TANK: variants seen among roughly 807,000 people sequenced by gnomAD.
TANK encodes TRAF family member-associated NF-kappa-B activator.
TANK carries 15 observed loss-of-function variants against 43.6 expected under a neutral mutation model. The ratio of observed to expected loss-of-function variants is 0.34; its 90% CI spans 0.23 to 0.53. The LOEUF (loss-of-function observed/expected upper bound fraction) is 0.53, where lower values mean the gene tolerates loss of function less well. TANK is among the 20% of genes least tolerant of loss of function. TANK has a pLI of 0.94. For missense variants in TANK, 417 were observed against 498.6 expected (o/e 0.84, Z 1.56); for synonymous variants, 162 against 178.2 (o/e 0.91, Z 0.73).
At chr2:161,170,161 A>T (rs533636129) in intron 1 of TANK, among the ~76,000 whole-genome samples, 2 of 152,312 alleles carry the variant, frequency 1.3e-5, no homozygotes, top group African/African-American at 4.8e-5. Context: ...AATTAAGATG[A>T]TTAGAGTATT....
chr2:161,212,669 A>G (rs1272912966), intron 4 of TANK: 1 of 985,306 alleles, frequency 1.0e-6, no homozygotes. Flanking sequence ...TATTTCCCCT[A>G]TCATCCCTTT....
upstream of TANK, among the ~76,000 whole-genome samples, chr2:161,158,616 A>C (rs1684286007): frequency 6.6e-6 from 1 of 152,218 alleles, no homozygotes; most frequent in East Asian, 1.9e-4. Flanking sequence ...TCAGCTTTAG[A>C]CTCTGAGTAT....
intron 2 of TANK, among the ~76,000 whole-genome samples, chr2:161,183,046 C>G (rs1274515424): frequency 1.3e-5 from 2 of 152,118 alleles, no homozygotes; most frequent in Non-Finnish European, 2.9e-5. Flanking sequence ...GGACAAAAAC[C>G]TAATCATAAT....
At chr2:161,171,823 A>G (rs1029312546) in intron 1 of TANK, among the ~76,000 whole-genome samples, 3 of 152,138 alleles carry the variant, frequency 2.0e-5, no homozygotes, top group Non-Finnish European at 4.4e-5. Flanking sequence ...CAACTTTACC[A>G]TTTATGAATC....
At chr2:161,172,401 G>C (rs1573980576) in intron 1 of TANK, among the ~76,000 whole-genome samples, 1 of 112,408 alleles carries the variant, frequency 8.9e-6, no homozygotes, top group South Asian at 3.0e-4. Flanking sequence ...TGGCCTAATT[G>C]GCCATCCAAG....
chr2:161,229,209 A>G (rs1687784532), intron 6 of TANK, among the ~76,000 whole-genome samples: 3 of 152,236 alleles, frequency 2.0e-5, no homozygotes, highest in Admixed American at 1.3e-4. Flanking sequence ...GTGCAAAGAC[A>G]AGAGAGTGTA....
At position 161,231,348 on chromosome 2, in the gene TANK, A is replaced by C; in HGVS notation, c.898A>C (p.Ile300Leu). The change falls in exon 7 of 8, where the codon ATA (isoleucine) becomes CTA (leucine). Residue 300 changes from isoleucine (I) to leucine (L), a missense_variant. Ile to Leu is a conservative substitution (Grantham distance 5). Transcript: ENST00000392749. Reference sequence around the variant, plus strand: ...GGGAATTGACCCCATAGCTTCAGCTATACAAAACCTTAAAACAACTGACAA... The same window carrying C: ...GGGAATTGACCCCATAGCTTCAGCTCTACAAAACCTTAAAACAACTGACAA... Reference protein sequence around the residue: ...IQGIDPIASAIQNLKTTDKTK... With the variant: ...IQGIDPIASALQNLKTTDKTK... 6.2e-7 allele frequency: 1 copy of C among 1,614,232 alleles called. No individual in the cohort carries two copies. The highest frequency in any genetic ancestry group is 1.6e-4 in the Middle Eastern group (1 of 6,062).
chr2:161,231,474 T>C lies in TANK; in HGVS notation c.1024T>C (p.Phe342Leu). The change falls in exon 7 of 8, where the codon TTC becomes CTC. Residue 342 changes from phenylalanine (F) to leucine (L), a missense_variant. Physicochemically the swap from Phe to Leu is conservative, Grantham distance 22 (BLOSUM62 0). Transcript: ENST00000392749. ...CCATAATGCATTATATGTAAATAGC[T>C]TCCCACTTCTGGACCCATCTGATGC... is the stretch of plus-strand genomic sequence containing the variant. ...GDHNALYVNSFPLLDPSDAPF... is the reference protein window; with the variant it reads ...GDHNALYVNSLPLLDPSDAPF... 1 of 1,614,012 alleles carries C rather than the reference T, an allele frequency of 6.2e-7. No individual in the cohort carries two copies. Among genetic ancestry groups the C allele is most frequent in the Non-Finnish European group, 8.5e-7 (1 of 1,180,014 alleles).
intron 2 of TANK, among the ~76,000 whole-genome samples, chr2:161,185,769 G>A (rs1260920062): frequency 2.7e-5 from 4 of 150,698 alleles, no homozygotes; most frequent in Admixed American, 6.6e-5. Flanking sequence ...GCCAGATGAC[G>A]AGTTAGTGGG....
intron 2 of TANK, among the ~76,000 whole-genome samples, chr2:161,201,554 G>A (rs1220202402): frequency 6.6e-6 from 1 of 152,072 alleles, no homozygotes; most frequent in Non-Finnish European, 1.5e-5. Flanking sequence ...TCAAAATAAA[G>A]TGAAAAAAAT....
intron 4 of TANK, among the ~76,000 whole-genome samples, chr2:161,222,037 A>G (rs1486511095): frequency 1.3e-5 from 2 of 152,048 alleles, no homozygotes; most frequent in Non-Finnish European, 2.9e-5. Flanking sequence ...AGCATCAATT[A>G]TTTACCAAGC....
At chr2:161,224,802 CT>C in intron 6 of TANK, 56 bp downstream of exon 6, 1 of 1,084,504 alleles carries the variant, frequency 9.2e-7, no homozygotes, top group Non-Finnish European at 1.3e-6. Context: ...AATTGATTTC[CT>C]TTTGAATGTG....
At chr2:161,195,275 G>A (rs183412030) in intron 2 of TANK, among the ~76,000 whole-genome samples, 12 of 152,236 alleles carry the variant, frequency 7.9e-5, no homozygotes, top group Non-Finnish European at 1.3e-4. Context: ...TCATGGAATG[G>A]TGGCACAGTC....
upstream of TANK, among the ~76,000 whole-genome samples, chr2:161,158,466 G>A (rs796360002): frequency 5.2e-4 from 79 of 152,310 alleles, 1 homozygote; most frequent in African/African-American, 1.8e-3. Context: ...ACATACAGGG[G>A]AATTATGCAG....
chr2:161,161,608 T>C (rs1684440491), intron 1 of TANK: 1 of 892,960 alleles, frequency 1.1e-6, no homozygotes, highest in Non-Finnish European at 1.6e-6. Flanking sequence ...CTTATGAAAA[T>C]GAGATTATGC....
At chr2:161,143,615 GT>G (rs1683815540) in intron 1 of TANK, among the ~76,000 whole-genome samples, 1 of 151,996 alleles carries the variant, frequency 6.6e-6, no homozygotes, top group Non-Finnish European at 1.5e-5. Flanking sequence ...GATGGATTAT[GT>G]TTATTGATTT....
Position 161,231,341 on chromosome 2 carries a change from T to C in TANK, c.891T>C (p.Ala297=), listed in dbSNP as rs927237863. 9 of 1,614,192 alleles carry C rather than the reference T, an allele frequency of 5.6e-6. No individual in the cohort carries two copies. The highest frequency in any genetic ancestry group is 1.6e-4 in the Middle Eastern group (1 of 6,062). ...LFEIQGIDPI[A]SAIQNLKTTD... ...AAATTCAGGGAATTGACCCCATAGC[T>C]TCAGCTATACAAAACCTTAAAACAA... The change falls in exon 7 of 8, where the codon GCT becomes GCC. Residue 297 remains alanine (A), a synonymous_variant. Coordinates refer to ENST00000392749, the MANE Select transcript of TANK (RefSeq NM_001199135.3).
chr2:161,189,287 G>GA (rs1429297433), intron 2 of TANK, among the ~76,000 whole-genome samples: 1 of 151,950 alleles, frequency 6.6e-6, no homozygotes, highest in Non-Finnish European at 1.5e-5. Flanking sequence ...GGATTAAAAA[G>GA]AAAAAACATG....
chr2:161,192,283 C>T (rs1685951622), intron 2 of TANK, among the ~76,000 whole-genome samples: 1 of 152,166 alleles, frequency 6.6e-6, no homozygotes, highest in Non-Finnish European at 1.5e-5. Flanking sequence ...TTTTTTCTCA[C>T]CTGTACCATT....
Sources: allele counts gnomAD v4.1 joint callset (sites outside exome capture counted in the v4.1 genomes callset), GRCh38; gene constraint gnomAD v4.1.1; transcripts MANE v1.5; gene names NCBI Gene and HGNC (gene_info 2026-07-23, HGNC 2026-07-21).